The following TDRD5 variants were observed in gnomAD, a reference collection of about 807,000 sequenced individuals.
TDRD5 encodes the protein tudor domain-containing protein 5.
A neutral mutation model predicts 120.6 loss-of-function variants in TDRD5; 41 were observed. The ratio of observed to expected loss-of-function variants is 0.34; its 90% CI spans 0.26 to 0.44. The LOEUF is 0.44. Ranked by LOEUF, TDRD5 falls within the 20% of genes least tolerant of loss-of-function variation. The pLI is 1.00. For synonymous variants in TDRD5, 430 were observed against 433.7 expected, an observed-to-expected ratio of 0.99 and a Z score of 0.11; for missense variants, 1,006 against 1,221.2, an observed-to-expected ratio of 0.82 and a Z score of 2.63.
intron 12 of TDRD5, 129 bp from the exon 13 acceptor site, chr1:179,651,910 C>T: frequency 1.8e-6 from 2 of 1,088,756 alleles, no homozygotes; most frequent in Non-Finnish European, 2.6e-6. Flanking sequence ...GAGACTCCAT[C>T]TCGAAATAAA....
chr1:179,682,947 G>C (rs149588210), intron 17 of TDRD5, among the ~76,000 whole-genome samples: 231 of 152,228 alleles, frequency 1.5e-3, no homozygotes, highest in African/African-American at 5.0e-3. Context: ...GTAGTTTGCT[G>C]ACACACCCAG....
intron 4 of TDRD5, among the ~76,000 whole-genome samples, chr1:179,610,126 T>G (rs1676205763): frequency 6.6e-6 from 1 of 152,214 alleles, no homozygotes; most frequent in Admixed American, 6.5e-5. Flanking sequence ...TTCCCAATTT[T>G]CTAGTTATTT....
At chr1:179,615,692 T>C (rs942769784) in intron 4 of TDRD5, among the ~76,000 whole-genome samples, 1 of 152,078 alleles carries the variant, frequency 6.6e-6, no homozygotes, top group Non-Finnish European at 1.5e-5. Flanking sequence ...ATTATAGATA[T>C]CCCTAACTTT....
chr1:179,612,363 C>T (rs1161770936), intron 4 of TDRD5, among the ~76,000 whole-genome samples: 2 of 152,206 alleles, frequency 1.3e-5, no homozygotes, highest in African/African-American at 4.8e-5. Flanking sequence ...TTTTGAAAGG[C>T]GTTCAATTTT....
intron 17 of TDRD5, among the ~76,000 whole-genome samples, chr1:179,685,729 T>G (rs1019657084): frequency 6.6e-6 from 1 of 152,176 alleles, no homozygotes; most frequent in African/African-American, 2.4e-5. Context: ...GAGCAGTGGT[T>G]TGTAGTTCTC....
At chr1:179,614,077 T>A (rs1448237701) in intron 4 of TDRD5, among the ~76,000 whole-genome samples, 1 of 152,200 alleles carries the variant, frequency 6.6e-6, no homozygotes, top group Non-Finnish European at 1.5e-5. Context: ...GGTGTCTGTT[T>A]TTAAATTTTT....
chr1:179,628,598 T>C lies in TDRD5; in HGVS notation c.973-2169T>C, dbSNP rs1008873304. On this transcript the variant is annotated intron_variant, in intron 6 of 17. Coordinates refer to ENST00000444136, the MANE Select transcript of TDRD5 (RefSeq NM_001199085.3). ...CTGGGATAACAGACATGAGCCACTT[T>C]TCCCAGCCCATCAGTTTCTTCATTG... Among the ~76,000 whole-genome samples, 7 of 152,022 alleles carry C rather than the reference T, an allele frequency of 4.6e-5. No individual in the cohort carries two copies. In the East Asian group the frequency reaches 1.3e-3, roughly 29 times the overall value.
At chr1:179,620,202 C>T (rs1165725057) in intron 5 of TDRD5, among the ~76,000 whole-genome samples, 1 of 152,132 alleles carries the variant, frequency 6.6e-6, no homozygotes, top group African/African-American at 2.4e-5. Context: ...CAATGGCTGT[C>T]TCTGGGTCAC....
intron 4 of TDRD5, among the ~76,000 whole-genome samples, chr1:179,598,276 C>T (rs1396591741): frequency 6.6e-6 from 1 of 152,198 alleles, no homozygotes; most frequent in East Asian, 1.9e-4. Context: ...AGTCATAATG[C>T]AGCCCATGAC....
At chr1:179,615,937 T>A (rs748926566) in intron 4 of TDRD5, among the ~76,000 whole-genome samples, 31 of 152,156 alleles carry the variant, frequency 2.0e-4, no homozygotes, top group Non-Finnish European at 4.0e-4. Context: ...TTACTAAACA[T>A]TGTCCTTATA....
chr1:179,657,715 CTTTAT>C (rs1679080317), intron 14 of TDRD5, among the ~76,000 whole-genome samples: 1 of 151,672 alleles, frequency 6.6e-6, no homozygotes, highest in Non-Finnish European at 1.5e-5. Flanking sequence ...TTGTGTGGAT[CTTTAT>C]TTTCTTAGTT....
At chr1:179,632,464 A>G (rs1221284419) in intron 7 of TDRD5, among the ~76,000 whole-genome samples, 1 of 151,454 alleles carries the variant, frequency 6.6e-6, no homozygotes, top group Non-Finnish European at 1.5e-5. Context: ...ACTCATGTTC[A>G]TTCTGAATAT....
intron 4 of TDRD5, among the ~76,000 whole-genome samples, chr1:179,611,643 A>G (rs1676280074): frequency 6.6e-6 from 1 of 152,200 alleles, no homozygotes; most frequent in South Asian, 2.1e-4. Context: ...TTCCCACTCT[A>G]TAGAATTTAG....
chr1:179,629,262 G>A (rs1677305436), intron 6 of TDRD5, among the ~76,000 whole-genome samples: 1 of 152,022 alleles, frequency 6.6e-6, no homozygotes, highest in Non-Finnish European at 1.5e-5. Context: ...ATAAATTGAG[G>A]AAACTGAAGC....
At chr1:179,662,021 GA>G (rs1257206475) in intron 14 of TDRD5, 82 bp from the exon 15 acceptor site, 1 of 1,336,556 alleles carries the variant, frequency 7.5e-7, no homozygotes, top group Non-Finnish European at 9.8e-7. Flanking sequence ...CTGGAGTCAG[GA>G]AAAAACTATA....
At chr1:179,648,452 T>TGGGGGGGGGG (rs754051680) in intron 11 of TDRD5, among the ~76,000 whole-genome samples, 2 of 37,284 alleles carry the variant, frequency 5.4e-5, no homozygotes, top group Non-Finnish European at 1.2e-4. Context: ...TGTTGTGGGG[T>TGGGGGGGGGG]GGGGGGGGGG....
chr1:179,654,319 A>G lies in TDRD5; in HGVS notation c.2279A>G (p.Lys760Arg). The G allele has an allele frequency of 6.5e-7, 1 of 1,549,676 alleles. No homozygotes were observed. Among genetic ancestry groups the G allele is most frequent in the Non-Finnish European group, 8.7e-7 (1 of 1,146,476 alleles). Residue 760 changes from lysine (K) to arginine (R), a missense_variant, in exon 14 of 18, where the codon AAG becomes AGG. Transcript: ENST00000444136. ...AATAAGAGCTTTGAAGAAGATCCAA[A>G]GTGGTCCAACCCAGAACCAAACGAT... ...TCNKSFEEDP[K>R]WSNPEPNDLK...
intron 4 of TDRD5, among the ~76,000 whole-genome samples, chr1:179,598,674 G>GT (rs34491944): frequency 0.044 from 6,253 of 143,594 alleles, 287 homozygotes; most frequent in African/African-American, 0.12. Context: ...AAATCAATTG[G>GT]TTTTTTTTTT....
intron 11 of TDRD5, among the ~76,000 whole-genome samples, chr1:179,649,166 C>T (rs1678574298): frequency 6.6e-6 from 1 of 151,994 alleles, no homozygotes; most frequent in Non-Finnish European, 1.5e-5. Flanking sequence ...CGCTCCTGTT[C>T]TTCAGTATTG....
Sources: allele counts gnomAD v4.1 joint callset (sites outside exome capture counted in the v4.1 genomes callset), GRCh38; gene constraint gnomAD v4.1.1; transcripts MANE v1.5; gene names NCBI Gene and HGNC (gene_info 2026-07-23, HGNC 2026-07-21).